The following GPM6A variants were observed in gnomAD, a reference collection of about 807,000 sequenced individuals.
GPM6A encodes the protein neuronal membrane glycoprotein M6-a.
A neutral mutation model predicts 32.1 loss-of-function variants in GPM6A; 7 were observed. That is an observed-to-expected ratio of 0.22 (90% confidence interval 0.12 to 0.41). The LOEUF (loss-of-function observed/expected upper bound fraction) is 0.41. Ranked by LOEUF, GPM6A falls within the 10% of genes least tolerant of loss-of-function variation. The pLI is 1.00. For synonymous variants in GPM6A, 130 were observed against 123.4 expected, an observed-to-expected ratio of 1.05 and a Z score of -0.35; for missense variants, 235 against 347.2, an observed-to-expected ratio of 0.68 and a Z score of 2.57.
At chr4:175,787,394 T>C in intron 1 of GPM6A, 4 of 1,535,036 alleles carry the variant, frequency 2.6e-6, no homozygotes, top group Non-Finnish European at 3.5e-6. Flanking sequence ...GTGAACTCTA[T>C]TTTCCCTTGA....
intron 1 of GPM6A, among the ~76,000 whole-genome samples, chr4:175,969,194 T>C (rs1740423435): frequency 6.6e-6 from 1 of 152,162 alleles, no homozygotes; most frequent in Admixed American, 6.5e-5. Flanking sequence ...CTATATGACA[T>C]TTTGGAAAAG....
At chr4:175,917,871 G>GT (rs1360027676) in intron 1 of GPM6A, among the ~76,000 whole-genome samples, 1 of 152,040 alleles carries the variant, frequency 6.6e-6, no homozygotes, top group Non-Finnish European at 1.5e-5. Flanking sequence ...TGTGTAATTT[G>GT]TAAGAGATTA....
chr4:175,715,889 A>G (rs1293046847), intron 1 of GPM6A, among the ~76,000 whole-genome samples: 2 of 151,958 alleles, frequency 1.3e-5, no homozygotes, highest in Admixed American at 6.5e-5. Flanking sequence ...AACATGGAGA[A>G]ACCCCATCTC....
At chr4:175,829,092 G>A (rs1372437277) in intron 1 of GPM6A, among the ~76,000 whole-genome samples, 1 of 152,020 alleles carries the variant, frequency 6.6e-6, no homozygotes, top group Non-Finnish European at 1.5e-5. Context: ...CAGCATGTCT[G>A]GCTAATTTTT....
chr4:175,723,980 A>G (rs1157029858), intron 1 of GPM6A, among the ~76,000 whole-genome samples: 1 of 152,240 alleles, frequency 6.6e-6, no homozygotes, highest in Non-Finnish European at 1.5e-5. Flanking sequence ...CTCAAAGGAA[A>G]GGAAATCAGT....
intron 1 of GPM6A, among the ~76,000 whole-genome samples, chr4:176,000,934 A>C (rs757852369): frequency 2.0e-5 from 3 of 152,248 alleles, no homozygotes; most frequent in East Asian, 3.8e-4. Context: ...ATTTAAAGAC[A>C]GTCCTTCTTA....
intron 1 of GPM6A, among the ~76,000 whole-genome samples, chr4:175,758,768 GCACAGCAGGGGATACAAAATCAC>G (rs1210290215): frequency 6.6e-6 from 1 of 151,876 alleles, no homozygotes; most frequent in East Asian, 1.9e-4. Flanking sequence ...CTCTACTGAG[GCACAGCAGGGGATACAAAATCAC>G]ACACTGAACA....
intron 5 of GPM6A, 35 bp from the exon 6 acceptor site, chr4:175,640,229 A>ATAG: frequency 6.5e-7 from 1 of 1,540,728 alleles, no homozygotes; most frequent in East Asian, 2.2e-5. Context: ...AAAAGGTGTC[A>ATAG]GAGTTATAGG....
rs189533542 is a variant in GPM6A at position 175,643,139 on chromosome 4, C to G, written c.542-2310G>C. ...CTCCCTTGCCATCTCCTCATCCAAGCCACCAAAATCTCCCACTTGGATTAA... is the reference window on the plus strand; with the variant it reads ...CTCCCTTGCCATCTCCTCATCCAAGGCACCAAAATCTCCCACTTGGATTAA... On this transcript the variant is annotated intron_variant, in intron 4 of 6. Transcript: ENST00000393658. 6.6e-4 allele frequency among the ~76,000 whole-genome samples: 100 copies of G among 152,270 alleles called. 1 individual carries two copies. Among genetic ancestry groups the G allele is most frequent in the African/African-American group, 2.3e-3 (96 of 41,572 alleles).
At chr4:175,691,586 C>T (rs1744301744) in intron 2 of GPM6A, among the ~76,000 whole-genome samples, 1 of 152,070 alleles carries the variant, frequency 6.6e-6, no homozygotes, top group Non-Finnish European at 1.5e-5. Context: ...CTATTATATA[C>T]CTTTTTAAAC....
In GPM6A at chr4:175,909,674, G is replaced by A. The variant is rs574657844; in HGVS notation, c.-23+92635C>T. 5.3e-5 allele frequency among the ~76,000 whole-genome samples: 8 copies of A among 152,212 alleles called. No homozygotes were observed. In the South Asian group the frequency reaches 6.2e-4, roughly 12 times the overall value. On this transcript the variant is annotated intron_variant, in intron 1 of 7. Transcript: ENST00000280187. Reference sequence around the variant, plus strand: ...CAAGTACTAAAGGAAGAGCAATAACGAGAATTCAATTTAAGCTACAGTAAT... The same window carrying A: ...CAAGTACTAAAGGAAGAGCAATAACAAGAATTCAATTTAAGCTACAGTAAT...
chr4:175,928,454 G>T (rs1227576952), intron 1 of GPM6A, among the ~76,000 whole-genome samples: 1 of 152,062 alleles, frequency 6.6e-6, no homozygotes, highest in Non-Finnish European at 1.5e-5. Flanking sequence ...TTCATAACAA[G>T]CATTACAAGC....
chr4:175,699,137 C>T (rs907826378), intron 2 of GPM6A, among the ~76,000 whole-genome samples: 1 of 152,100 alleles, frequency 6.6e-6, no homozygotes, highest in Non-Finnish European at 1.5e-5. Flanking sequence ...ACAGTGAGAA[C>T]ATATTTTGTC....
intron 2 of GPM6A, among the ~76,000 whole-genome samples, chr4:175,690,370 C>T (rs1744227599): frequency 6.6e-6 from 1 of 152,152 alleles, no homozygotes. Context: ...AATAAATTAG[C>T]CTAAGTTATG....
intron 1 of GPM6A, among the ~76,000 whole-genome samples, chr4:175,733,033 T>C (rs888271294): frequency 6.6e-6 from 1 of 152,052 alleles, no homozygotes; most frequent in South Asian, 2.1e-4. Context: ...GGACAGACAA[T>C]ATAATAACGA....
intron 1 of GPM6A, chr4:175,811,923 G>A: frequency 3.3e-6 from 1 of 303,308 alleles, no homozygotes; most frequent in Non-Finnish European, 6.0e-6. Flanking sequence ...ACAAAGACTG[G>A]TCTAAGGAAT....
rs142789876 is a variant in GPM6A at position 175,714,579 on chromosome 4, G to A, written c.38-12812C>T. ...GACTTTCAATGCATTGCCTGGTGTGGTCTCCACAGCTATCATATGAAAGAG... is the reference window on the plus strand; with the variant it reads ...GACTTTCAATGCATTGCCTGGTGTGATCTCCACAGCTATCATATGAAAGAG... On this transcript the variant is annotated intron_variant, in intron 1 of 6. Coordinates refer to ENST00000393658, the MANE Select transcript of GPM6A (RefSeq NM_201591.3). Among the ~76,000 whole-genome samples, 169 of 41,670 alleles carry A rather than the reference G, an allele frequency of 4.1e-3. 1 individual carries two copies. Among genetic ancestry groups the A allele is most frequent in the African/African-American group, 5.7e-3 (160 of 28,072 alleles). The allele number at this position is 41,670 out of a possible 152,430, so 27.3% of individuals were successfully genotyped here. A position where few individuals can be genotyped will look rare whatever the true frequency, so the allele number is the denominator to read the frequency against.
At chr4:175,731,983 T>TC (rs1731455076) in intron 1 of GPM6A, among the ~76,000 whole-genome samples, 1 of 149,118 alleles carries the variant, frequency 6.7e-6, no homozygotes, top group Admixed American at 6.7e-5. Context: ...TTTTTTTTTT[T>TC]CGTGACAGAG....
At chr4:175,636,693 G>A (rs987889085) in intron 6 of GPM6A, among the ~76,000 whole-genome samples, 2 of 150,918 alleles carry the variant, frequency 1.3e-5, no homozygotes, top group South Asian at 4.2e-4. Flanking sequence ...CTACTCGGGA[G>A]GATGAGGCAG....
Sources: gnomAD v4.1 joint callset for allele counts (sites outside exome capture counted in the v4.1 genomes callset) on GRCh38, gnomAD v4.1.1 for gene constraint, MANE v1.5 for transcripts, NCBI Gene and HGNC (gene_info 2026-07-23, HGNC 2026-07-21) for gene names.